COL21A1: variants seen among roughly 807,000 people sequenced by gnomAD.
COL21A1 encodes collagen alpha-1(XXI) chain.
COL21A1 carries 149 observed loss-of-function variants against 137.9 expected under a neutral mutation model. The ratio of observed to expected loss-of-function variants is 1.08; its 90% CI spans 0.95 to 1.24. The LOEUF (loss-of-function observed/expected upper bound fraction) is 1.24. Ranked by LOEUF, COL21A1 falls within the 50% of genes most tolerant of loss-of-function variation. The pLI is 0.00. For missense variants in COL21A1, 1,167 were observed against 1,158.4 expected, an observed-to-expected ratio of 1.01 and a Z score of -0.11; for synonymous variants, 456 against 391.5, an observed-to-expected ratio of 1.16 and a Z score of -1.95.
At chr6:56,310,172 A>G (rs1205681818) in intron 1 of COL21A1, among the ~76,000 whole-genome samples, 1 of 148,036 alleles carries the variant, frequency 6.8e-6, no homozygotes, top group African/African-American at 2.4e-5. Flanking sequence ...CAGAAACGCA[A>G]AAAGAAATGG....
intron 1 of COL21A1, among the ~76,000 whole-genome samples, chr6:56,286,881 A>G (rs1449714413): frequency 6.6e-6 from 1 of 152,236 alleles, no homozygotes; most frequent in East Asian, 1.9e-4. Context: ...TCCTAGAGAG[A>G]GATGAAACTA....
chr6:56,141,805 G>T lies in COL21A1; in HGVS notation c.1522C>A (p.Pro508Thr), dbSNP rs1259722031. The T allele has an allele frequency of 6.2e-7, 1 of 1,613,554 alleles. No homozygotes were observed. Residue 508 changes from proline (P) to threonine (T), a missense_variant, in exon 12 of 30, where the codon CCA becomes ACA. By Grantham distance (38) the Pro-to-Thr change is conservative. Transcript: ENST00000244728. ...ARGLPGYKGE[P>T]GRDGDKGDRG... Reference sequence around the variant, plus strand: ...TTTACCTTGTCACCATCTCGCCCTGGTTCTCCTTTGTAACCTGGTAGTCCT... The same window carrying T: ...TTTACCTTGTCACCATCTCGCCCTGTTTCTCCTTTGTAACCTGGTAGTCCT...
At chr6:56,081,945 G>A (rs1374858895) in intron 17 of COL21A1, among the ~76,000 whole-genome samples, 1 of 151,820 alleles carries the variant, frequency 6.6e-6, no homozygotes, top group East Asian at 1.9e-4. Context: ...CAAAAAAAGA[G>A]AACAAAGATA....
chr6:56,125,590 A>T lies in COL21A1; in HGVS notation c.1627T>A (p.Ser543Thr). 1.2e-6 allele frequency: 2 copies of T among 1,601,172 alleles called. No homozygotes were observed. The highest frequency in any genetic ancestry group is 2.2e-5 in the South Asian group (2 of 89,352). ...GEMGAKGDKG[S>T]PGFYGKKGAK... ...CCCTTTTTGCCATAAAATCCAGGTG[A>T]TCCTTTGTCTCCTTTGGCACCCATT... The change falls in exon 14 of 30, where the codon TCA (serine) becomes ACA (threonine). Residue 543 changes from serine (S) to threonine (T), a missense_variant. Physicochemically the swap from Ser to Thr is moderately conservative, Grantham distance 58. Coordinates refer to ENST00000244728, the MANE Select transcript of COL21A1 (RefSeq NM_030820.4).
At chr6:56,298,621 A>T (rs1385783902) in intron 1 of COL21A1, among the ~76,000 whole-genome samples, 1 of 152,060 alleles carries the variant, frequency 6.6e-6, no homozygotes, top group Non-Finnish European at 1.5e-5. Context: ...GTGGCAAGGG[A>T]TGGTATATTC....
intron 1 of COL21A1, among the ~76,000 whole-genome samples, chr6:56,292,544 GC>G (rs1363774604): frequency 2.6e-5 from 4 of 152,110 alleles, no homozygotes; most frequent in African/African-American, 9.7e-5. Context: ...AGCCCTGTTA[GC>G]CAGAGCTTGG....
chr6:56,079,497 T>A (rs955509553), intron 17 of COL21A1, among the ~76,000 whole-genome samples: 24 of 151,620 alleles, frequency 1.6e-4, no homozygotes, highest in African/African-American at 5.8e-4. Flanking sequence ...GAGAAAACAG[T>A]TATACCCAGG....
chr6:56,150,137 T>C (rs1408865186), intron 10 of COL21A1, among the ~76,000 whole-genome samples: 1 of 152,164 alleles, frequency 6.6e-6, no homozygotes, highest in African/African-American at 2.4e-5. Flanking sequence ...GATGACCTCA[T>C]ATTAAACCTC....
intron 1 of COL21A1, among the ~76,000 whole-genome samples, chr6:56,329,783 T>C (rs1296809095): frequency 6.6e-6 from 1 of 152,026 alleles, no homozygotes; most frequent in Non-Finnish European, 1.5e-5. Flanking sequence ...CTGAACTAAG[T>C]TTAATAAAGG....
At chr6:56,120,906 T>A (rs1408234478) in intron 16 of COL21A1, among the ~76,000 whole-genome samples, 1 of 152,056 alleles carries the variant, frequency 6.6e-6, no homozygotes, top group African/African-American at 2.4e-5. Context: ...TAAAGGGATA[T>A]CTGCACTTCT....
intron 1 of COL21A1, among the ~76,000 whole-genome samples, chr6:56,358,045 A>G (rs1306812817): frequency 6.6e-6 from 1 of 152,210 alleles, no homozygotes; most frequent in Non-Finnish European, 1.5e-5. Context: ...AGCTAAGCCT[A>G]ATACAGCTCT....
intron 10 of COL21A1, among the ~76,000 whole-genome samples, chr6:56,145,099 T>C (rs555534984): frequency 6.6e-6 from 1 of 152,304 alleles, no homozygotes; most frequent in Admixed American, 6.5e-5. Flanking sequence ...TCAGCCACCA[T>C]TAGTACATTG....
At chr6:56,064,520 A>G in intron 24 of COL21A1, 58 bp downstream of exon 24, 1 of 1,154,048 alleles carries the variant, frequency 8.7e-7, no homozygotes, top group Non-Finnish European at 1.3e-6. Flanking sequence ...CTCTCTCAGC[A>G]TTGTCCAGTT....
At chr6:56,314,426 C>T (rs926881672) in intron 1 of COL21A1, among the ~76,000 whole-genome samples, 1 of 152,148 alleles carries the variant, frequency 6.6e-6, no homozygotes, top group African/African-American at 2.4e-5. Flanking sequence ...CTTGAGCCCT[C>T]TTCCCATTGA....
chr6:56,339,686 C>T (rs904510282), intron 1 of COL21A1, among the ~76,000 whole-genome samples: 1 of 152,198 alleles, frequency 6.6e-6, no homozygotes, highest in Non-Finnish European at 1.5e-5. Flanking sequence ...TTTATATTCA[C>T]CAGTGTTTAG....
chr6:56,196,093 A>G (rs1353980651), intron 1 of COL21A1, among the ~76,000 whole-genome samples: 13 of 152,186 alleles, frequency 8.5e-5, no homozygotes, highest in Admixed American at 8.5e-4. Context: ...ATGATGTACC[A>G]CATTAAAAAC....
intron 1 of COL21A1, among the ~76,000 whole-genome samples, chr6:56,367,871 T>C (rs966547063): frequency 5.3e-5 from 8 of 152,194 alleles, no homozygotes; most frequent in African/African-American, 1.9e-4. Flanking sequence ...TACGCCTCTG[T>C]GCCCAGCTAT....
chr6:56,202,371 A>T (rs1454330739), intron 1 of COL21A1, among the ~76,000 whole-genome samples: 1 of 152,176 alleles, frequency 6.6e-6, no homozygotes, highest in Non-Finnish European at 1.5e-5. Flanking sequence ...AAGAGCACAC[A>T]TCCATCTTCC....
At chr6:56,087,327 A>G (rs1768363488) in intron 17 of COL21A1, among the ~76,000 whole-genome samples, 2 of 152,054 alleles carry the variant, frequency 1.3e-5, no homozygotes, top group African/African-American at 4.8e-5. Flanking sequence ...ACCTTTCCAT[A>G]CAATACCATG....
Sources: allele counts gnomAD v4.1 joint callset (sites outside exome capture counted in the v4.1 genomes callset), GRCh38; gene constraint gnomAD v4.1.1; transcripts MANE v1.5; gene names NCBI Gene and HGNC (gene_info 2026-07-23, HGNC 2026-07-21).